IGSF21: variants seen among roughly 807,000 people sequenced by gnomAD.
IGSF21 encodes the protein immunoglobin superfamily member 21.
IGSF21 carries 28 observed loss-of-function variants against 46.8 expected under a neutral mutation model. The ratio of observed to expected loss-of-function variants is 0.60; its 90% CI spans 0.44 to 0.82. The LOEUF (loss-of-function observed/expected upper bound fraction) is 0.82. IGSF21 is among the 40% of genes least tolerant of loss of function. The pLI is 0.00. For missense variants in IGSF21, 624 were observed against 665.5 expected (o/e 0.94, Z 0.69); for synonymous variants, 284 against 273.6 (o/e 1.04, Z -0.38).
intron 3 of IGSF21, among the ~76,000 whole-genome samples, chr1:18,299,158 G>A (rs753512285): frequency 6.6e-6 from 1 of 152,180 alleles, no homozygotes; most frequent in Non-Finnish European, 1.5e-5. Flanking sequence ...TGATTCTCTG[G>A]TCAGAGGGCC....
intron 1 of IGSF21, among the ~76,000 whole-genome samples, chr1:18,143,901 G>C (rs1294468674): frequency 6.6e-6 from 1 of 152,046 alleles, no homozygotes; most frequent in Non-Finnish European, 1.5e-5. Context: ...GTGACTCCCC[G>C]ATCAGACTGG....
chr1:18,351,617 T>A (rs2085956238), intron 4 of IGSF21, among the ~76,000 whole-genome samples: 1 of 152,156 alleles, frequency 6.6e-6, no homozygotes, highest in South Asian at 2.1e-4. Flanking sequence ...GGCCAGTTCT[T>A]GAATGTGCCT....
intron 2 of IGSF21, among the ~76,000 whole-genome samples, chr1:18,248,967 T>C (rs939715012): frequency 2.0e-5 from 3 of 151,788 alleles, no homozygotes; most frequent in African/African-American, 7.3e-5. Context: ...TACACTAAGG[T>C]TTGAAGAATG....
chr1:18,299,225 T>C (rs223162), intron 3 of IGSF21, among the ~76,000 whole-genome samples: 51,010 of 152,116 alleles, frequency 0.34, 12,912 homozygotes, highest in African/African-American at 0.72. Context: ...AAGACCACTC[T>C]ATGGGCAGAC....
chr1:18,217,716 G>A (rs2084463763), intron 1 of IGSF21, among the ~76,000 whole-genome samples: 1 of 152,206 alleles, frequency 6.6e-6, no homozygotes, highest in African/African-American at 2.4e-5. Context: ...CCTGTTTTCA[G>A]CTTCTCCATT....
chr1:18,160,376 C>G (rs545124622), intron 1 of IGSF21, among the ~76,000 whole-genome samples: 20 of 152,288 alleles, frequency 1.3e-4, no homozygotes, highest in African/African-American at 4.8e-4. Flanking sequence ...GCGCTCACAG[C>G]ATTATGCCCT....
intron 1 of IGSF21, among the ~76,000 whole-genome samples, chr1:18,189,435 G>T (rs1179735921): frequency 6.6e-6 from 1 of 152,092 alleles, no homozygotes; most frequent in Non-Finnish European, 1.5e-5. Context: ...CCAGGGCAGG[G>T]GCGAAGGTTT....
At chr1:18,131,436 C>T (rs192829009) in intron 1 of IGSF21, among the ~76,000 whole-genome samples, 1 of 152,326 alleles carries the variant, frequency 6.6e-6, no homozygotes, top group African/African-American at 2.4e-5. Flanking sequence ...CTGTGTGATG[C>T]TGGGCAAGTT....
chr1:18,265,594 C>T (rs189842668), intron 2 of IGSF21, among the ~76,000 whole-genome samples: 22 of 152,310 alleles, frequency 1.4e-4, no homozygotes, highest in East Asian at 1.2e-3. Context: ...CATCCTATCA[C>T]GCTGCCCACC....
intron 1 of IGSF21, 104 bp downstream of exon 1, chr1:18,108,302 G>T: frequency 8.6e-7 from 1 of 1,161,212 alleles, no homozygotes; most frequent in South Asian, 3.1e-5. Context: ...CTCGGGCTAC[G>T]AGCACCGGTC....
At chr1:18,262,528 A>T (rs906272355) in intron 2 of IGSF21, among the ~76,000 whole-genome samples, 6 of 152,172 alleles carry the variant, frequency 3.9e-5, no homozygotes, top group Non-Finnish European at 7.3e-5. Context: ...CATTATGGAG[A>T]TGTAATGAGA....
At chr1:18,369,593 G>A (rs940665498) in intron 6 of IGSF21, among the ~76,000 whole-genome samples, 2 of 152,214 alleles carry the variant, frequency 1.3e-5, no homozygotes, top group Non-Finnish European at 2.9e-5. Flanking sequence ...AGAGTCGTGA[G>A]TGTATGCACC....
intron 4 of IGSF21, among the ~76,000 whole-genome samples, chr1:18,358,905 T>C (rs2086053615): frequency 6.6e-6 from 1 of 152,188 alleles, no homozygotes; most frequent in African/African-American, 2.4e-5. Context: ...AGTCATACAC[T>C]AATTAAAATT....
At position 18,212,102 on chromosome 1, in the gene IGSF21, C is replaced by T. The variant is rs1050413035; in HGVS notation, c.71-15796C>T. Among the ~76,000 whole-genome samples the T allele has an allele frequency of 4.6e-5, 7 of 152,242 alleles. No homozygotes were observed. The South Asian group carries it at 1.4e-3, about 31-fold the overall frequency. ...GTGGGATAGCTGCAGGGAGCTGGAGCATGGCAGGGCAGTGAATCCCAGGTC... is the reference window on the plus strand; with the variant it reads ...GTGGGATAGCTGCAGGGAGCTGGAGTATGGCAGGGCAGTGAATCCCAGGTC... On this transcript the variant is annotated intron_variant, in intron 1 of 9. Transcript: ENST00000251296.
rs552362730 is a variant in IGSF21 at position 18,270,427 on chromosome 1, C to G, written c.184-21439C>G. On this transcript the variant is annotated intron_variant, in intron 2 of 9. Coordinates refer to ENST00000251296, the MANE Select transcript of IGSF21 (RefSeq NM_032880.5). ...TGCCCTGCAAGGTTCTGCCAACACT[C>G]GGCATCTGGTCCTGCTTCATGCCTC... Among the ~76,000 whole-genome samples the G allele has an allele frequency of 3.1e-4, 47 of 152,228 alleles. 1 individual carries two copies. The highest frequency in any genetic ancestry group is 5.0e-4 in the Non-Finnish European group (34 of 68,036).
intron 2 of IGSF21, among the ~76,000 whole-genome samples, chr1:18,250,453 C>A (rs985389309): frequency 6.6e-6 from 1 of 152,178 alleles, no homozygotes; most frequent in African/African-American, 2.4e-5. Flanking sequence ...CTCACTCAGC[C>A]GTGTGTTCAC....
Position 18,181,307 on chromosome 1 carries a change from C to T in IGSF21, c.71-46591C>T, listed in dbSNP as rs117569902. Among the ~76,000 whole-genome samples the T allele has an allele frequency of 1.9e-4, 29 of 152,340 alleles. No individual in the cohort carries two copies. In the East Asian group the frequency reaches 4.0e-3, roughly 21 times the overall value. On this transcript the variant is annotated intron_variant, in intron 1 of 9. Coordinates refer to ENST00000251296, the MANE Select transcript of IGSF21 (RefSeq NM_032880.5). ...AATAGACATAAGCCACTGCCCTGCT[C>T]GGCTTCTTGTCTAATTATGGCTGCG...
At chr1:18,255,302 G>A (rs1314946225) in intron 2 of IGSF21, among the ~76,000 whole-genome samples, 2 of 152,144 alleles carry the variant, frequency 1.3e-5, no homozygotes, top group Non-Finnish European at 2.9e-5. Context: ...GCCCCTGCTG[G>A]GCTTGTGGGG....
chr1:18,178,428 A>G (rs777151576), intron 1 of IGSF21, among the ~76,000 whole-genome samples: 1 of 152,158 alleles, frequency 6.6e-6, no homozygotes, highest in East Asian at 1.9e-4. Context: ...ACCATGTGAT[A>G]TTGAACGAGT....
Sources: gnomAD v4.1 joint callset for allele counts (sites outside exome capture counted in the v4.1 genomes callset) on GRCh38, gnomAD v4.1.1 for gene constraint, MANE v1.5 for transcripts, NCBI Gene and HGNC (gene_info 2026-07-23, HGNC 2026-07-21) for gene names.